Variants in FMN1 observed in about 807,000 individuals in gnomAD.
The protein encoded by FMN1 is formin 1.
A neutral mutation model predicts 132.4 loss-of-function variants in FMN1; 110 were observed. The observed-to-expected ratio is 0.83, with a 90% confidence interval of 0.71 to 0.97. The LOEUF is 0.97. Among genes scored for constraint, FMN1 ranks in the 50% least tolerant of loss-of-function variants. The probability of loss-of-function intolerance (pLI) is 0.00; values close to 1 mark genes in which losing one functional copy is unlikely to be tolerated. For missense variants in FMN1, 1,792 were observed against 1,705.3 expected (o/e 1.05, Z -0.90); for synonymous variants, 722 against 651.7 (o/e 1.11, Z -1.64).
At chr15:32,881,446 A>C (rs1160571111) in intron 16 of FMN1, among the ~76,000 whole-genome samples, 2 of 152,204 alleles carry the variant, frequency 1.3e-5, no homozygotes, top group African/African-American at 4.8e-5. Context: ...CTTTTAAAGA[A>C]TTCTACTATC....
intron 3 of FMN1, among the ~76,000 whole-genome samples, chr15:33,162,481 C>T (rs149509668): frequency 6.6e-6 from 1 of 151,184 alleles, no homozygotes; most frequent in East Asian, 1.9e-4. Flanking sequence ...ACACTTCAGG[C>T]AGAAGAAAGC....
chr15:32,909,934 C>T (rs1016794746), intron 11 of FMN1, among the ~76,000 whole-genome samples: 4 of 152,006 alleles, frequency 2.6e-5, no homozygotes, highest in South Asian at 4.1e-4. Context: ...ATGATCACAA[C>T]GGGATTAAGA....
At chr15:32,887,190 C>T (rs2059915874) in intron 16 of FMN1, among the ~76,000 whole-genome samples, 1 of 152,122 alleles carries the variant, frequency 6.6e-6, no homozygotes, top group Admixed American at 6.5e-5. Context: ...TCTGAGTACT[C>T]TTTCACAATA....
At chr15:33,188,703 A>C (rs1210259306) in intron 2 of FMN1, among the ~76,000 whole-genome samples, 1 of 152,156 alleles carries the variant, frequency 6.6e-6, no homozygotes, top group African/African-American at 2.4e-5. Flanking sequence ...AAAAAAAAAA[A>C]GTCAAGACCT....
chr15:33,156,905 A>G (rs750325080), intron 3 of FMN1, among the ~76,000 whole-genome samples: 1 of 152,152 alleles, frequency 6.6e-6, no homozygotes, highest in Non-Finnish European at 1.5e-5. Context: ...ATTTTCCTCT[A>G]GCTGTTCTCA....
intron 17 of FMN1, among the ~76,000 whole-genome samples, chr15:32,823,157 T>TG (rs2058269418): frequency 1.5e-5 from 1 of 68,158 alleles, no homozygotes; most frequent in Non-Finnish European, 3.3e-5. Context: ...CTACTGTTTT[T>TG]TTTTTTTTTT....
rs1438126996 is a variant in FMN1 at position 32,770,778 on chromosome 15, T to A, written c.*3532A>T. 1 of 152,152 alleles carries A rather than the reference T, an allele frequency of 6.6e-6. No individual in the cohort carries two copies. The highest frequency in any genetic ancestry group is 1.9e-4 in the East Asian group (1 of 5,182). 9.4% of individuals were successfully genotyped at this position (152,152 alleles called of 1,614,324 possible). A position where few individuals can be genotyped will look rare whatever the true frequency, so the allele number is the denominator to read the frequency against. On this transcript the variant is annotated 3_prime_UTR_variant, in exon 21 of 21. Transcript: ENST00000616417. ...TGGCAATTTGTTTTGGCTAGAACAT[T>A]TAAAAGTGTAATAGCTCCACTGGGT...
At chr15:32,984,199 T>C (rs2032904469) in intron 7 of FMN1, among the ~76,000 whole-genome samples, 1 of 152,212 alleles carries the variant, frequency 6.6e-6, no homozygotes, top group Non-Finnish European at 1.5e-5. Flanking sequence ...AGATTTTTTT[T>C]TAAGTTTTGT....
chr15:33,122,084 T>C (rs1962616150), intron 4 of FMN1, among the ~76,000 whole-genome samples: 1 of 152,160 alleles, frequency 6.6e-6, no homozygotes, highest in African/African-American at 2.4e-5. Context: ...AATACTACTC[T>C]GGAAGTGCAG....
At chr15:32,879,853 A>ATTTTTT (rs10676903) in intron 16 of FMN1, among the ~76,000 whole-genome samples, 1 of 151,598 alleles carries the variant, frequency 6.6e-6, no homozygotes, top group Non-Finnish European at 1.5e-5. Flanking sequence ...TCATTGTGGG[A>ATTTTTT]TTTTTTGTTT....
chr15:32,900,407 A>T (rs1056269133), intron 13 of FMN1, among the ~76,000 whole-genome samples: 1 of 152,188 alleles, frequency 6.6e-6, no homozygotes, highest in Admixed American at 6.5e-5. Context: ...AGCCAGTTTA[A>T]TTTTTAATAC....
At chr15:33,039,323 T>C (rs990648999) in intron 6 of FMN1, among the ~76,000 whole-genome samples, 1 of 151,374 alleles carries the variant, frequency 6.6e-6, no homozygotes, top group African/African-American at 2.4e-5. Flanking sequence ...GTTGGCTAGA[T>C]TGGAGCAGTC....
At chr15:32,813,178 G>C (rs2057944817) in intron 17 of FMN1, among the ~76,000 whole-genome samples, 1 of 152,140 alleles carries the variant, frequency 6.6e-6, no homozygotes, top group South Asian at 2.1e-4. Context: ...TTCTATATGA[G>C]AGACTTGAGC....
intron 6 of FMN1, among the ~76,000 whole-genome samples, chr15:33,011,599 C>T (rs1367900834): frequency 1.3e-5 from 2 of 151,940 alleles, no homozygotes; most frequent in Non-Finnish European, 2.9e-5. Context: ...AAATTAAGAA[C>T]TTATTTTTCT....
At chr15:32,846,104 A>AT (rs2058849792) in intron 17 of FMN1, among the ~76,000 whole-genome samples, 1 of 152,196 alleles carries the variant, frequency 6.6e-6, no homozygotes, top group African/African-American at 2.4e-5. Context: ...AAAACACAAC[A>AT]TTTTATTGTG....
chr15:32,783,111 T>C (rs1229217636), intron 19 of FMN1, among the ~76,000 whole-genome samples: 1 of 151,806 alleles, frequency 6.6e-6, no homozygotes, highest in African/African-American at 2.4e-5. Context: ...TACATCCGTG[T>C]AACAAACCTG....
At chr15:32,797,073 C>T (rs768451098) in intron 19 of FMN1, among the ~76,000 whole-genome samples, 4 of 151,614 alleles carry the variant, frequency 2.6e-5, no homozygotes, top group Non-Finnish European at 5.9e-5. Flanking sequence ...CACAAACGCC[C>T]GTGGCTGGGA....
chr15:32,990,034 T>A (rs2033338156), intron 7 of FMN1, among the ~76,000 whole-genome samples: 2 of 152,204 alleles, frequency 1.3e-5, no homozygotes, highest in Admixed American at 1.3e-4. Flanking sequence ...GGTGGGCTTA[T>A]AAAACTTTTT....
At chr15:32,940,846 C>T (rs2140439277) in intron 9 of FMN1, among the ~76,000 whole-genome samples, 1 of 152,246 alleles carries the variant, frequency 6.6e-6, no homozygotes, top group South Asian at 2.1e-4. Flanking sequence ...AAAGGTTCTT[C>T]CGGGCATTAA....
Sources: allele counts gnomAD v4.1 joint callset (sites outside exome capture counted in the v4.1 genomes callset), GRCh38; gene constraint gnomAD v4.1.1; transcripts MANE v1.5; gene names NCBI Gene and HGNC (gene_info 2026-07-23, HGNC 2026-07-21).